Variants in TMEM117 observed in about 807,000 individuals in gnomAD.
TMEM117 encodes the protein transmembrane protein 117.
TMEM117 carries 27 observed loss-of-function variants against 52.4 expected under a neutral mutation model. The observed-to-expected ratio is 0.51, with a 90% CI of 0.38 to 0.71. The LOEUF is 0.71. Among genes scored for constraint, TMEM117 ranks in the 30% least tolerant of loss-of-function variants. The probability of loss-of-function intolerance (pLI) is 0.00; values close to 1 mark genes in which losing one functional copy is unlikely to be tolerated. For missense variants in TMEM117, 556 were observed against 630.5 expected (o/e 0.88, Z 1.26); for synonymous variants, 215 against 206.3 (o/e 1.04, Z -0.36).
intron 3 of TMEM117, among the ~76,000 whole-genome samples, chr12:44,138,989 C>G (rs1182528629): frequency 1.3e-5 from 2 of 152,066 alleles, no homozygotes; most frequent in African/African-American, 4.8e-5. Flanking sequence ...CTTAAGAATC[C>G]TTAGAGCTTT....
chr12:43,895,764 CATGCTA>C (rs924871539), intron 2 of TMEM117, among the ~76,000 whole-genome samples: 4 of 152,186 alleles, frequency 2.6e-5, no homozygotes, highest in Non-Finnish European at 5.9e-5. Flanking sequence ...GCTAAAGGTC[CATGCTA>C]ATGCTAATGC....
intron 4 of TMEM117, among the ~76,000 whole-genome samples, chr12:44,151,505 C>T (rs1229591447): frequency 1.4e-5 from 2 of 141,346 alleles, no homozygotes; most frequent in Non-Finnish European, 3.1e-5. Flanking sequence ...GCTATCCCTC[C>T]GCCCTCCCCC....
intron 2 of TMEM117, among the ~76,000 whole-genome samples, chr12:43,936,436 T>G (rs111277045): frequency 6.6e-6 from 1 of 152,242 alleles, no homozygotes; most frequent in African/African-American, 2.4e-5. Context: ...TATCTAAGAC[T>G]ATAGTGGGCA....
At chr12:43,865,028 G>A (rs1943563349) in intron 2 of TMEM117, among the ~76,000 whole-genome samples, 2 of 152,028 alleles carry the variant, frequency 1.3e-5, no homozygotes, top group African/African-American at 4.8e-5. Flanking sequence ...TCACTCCTGA[G>A]GCAGCGAGAC....
intron 3 of TMEM117, among the ~76,000 whole-genome samples, chr12:43,984,361 C>T (rs1291617842): frequency 1.7e-5 from 2 of 118,488 alleles, no homozygotes; most frequent in Non-Finnish European, 3.5e-5. Context: ...GAGTGAGACT[C>T]CGTAACAACA....
chr12:44,193,000 G>A (rs192639836), intron 4 of TMEM117, among the ~76,000 whole-genome samples: 45 of 152,266 alleles, frequency 3.0e-4, no homozygotes, highest in African/African-American at 1.0e-3. Context: ...GTTGGGAGGG[G>A]AGACACTTCT....
intron 3 of TMEM117, among the ~76,000 whole-genome samples, chr12:44,018,519 A>G (rs1946406353): frequency 1.3e-5 from 2 of 152,206 alleles, no homozygotes; most frequent in South Asian, 4.1e-4. Flanking sequence ...TTTAATAAAA[A>G]TGGTACATTT....
At chr12:44,028,671 G>A (rs1291353179) in intron 3 of TMEM117, among the ~76,000 whole-genome samples, 6 of 152,160 alleles carry the variant, frequency 3.9e-5, no homozygotes, top group East Asian at 3.9e-4. Context: ...TGAATGATCC[G>A]CACCTTGATT....
chr12:43,805,680 C>G, the TMEM117 span: 1 of 770,858 alleles, frequency 1.3e-6, no homozygotes, highest in Non-Finnish European at 1.9e-6. Flanking sequence ...CGAGATTTCT[C>G]AGAACATAAC....
intron 3 of TMEM117, among the ~76,000 whole-genome samples, chr12:44,019,041 G>T (rs116738735): frequency 0.011 from 1,725 of 152,270 alleles, 33 homozygotes; most frequent in African/African-American, 0.04. Flanking sequence ...ACCCTAAGTG[G>T]ACTTCACCTA....
chr12:44,175,635 A>G (rs1294923021), intron 4 of TMEM117, among the ~76,000 whole-genome samples: 1 of 152,198 alleles, frequency 6.6e-6, no homozygotes, highest in Non-Finnish European at 1.5e-5. Context: ...AGGTGACATG[A>G]TGGCCAAGGT....
chr12:44,034,724 C>G (rs888671251), intron 3 of TMEM117, among the ~76,000 whole-genome samples: 1 of 152,104 alleles, frequency 6.6e-6, no homozygotes, highest in Admixed American at 6.5e-5. Context: ...GAAGGTAATG[C>G]TATTATGAAG....
chr12:44,163,440 A>G (rs1948924261), intron 4 of TMEM117, among the ~76,000 whole-genome samples: 1 of 152,222 alleles, frequency 6.6e-6, no homozygotes, highest in Non-Finnish European at 1.5e-5. Context: ...CTAAGTCTGC[A>G]TTTCTGAAAT....
intron 2 of TMEM117, among the ~76,000 whole-genome samples, chr12:43,908,726 A>G (rs183722366): frequency 4.7e-4 from 71 of 152,298 alleles, no homozygotes; most frequent in African/African-American, 1.5e-3. Context: ...GCTTTAAGCC[A>G]AAAAAGATCA....
the TMEM117 span, among the ~76,000 whole-genome samples, chr12:43,829,666 G>T: frequency 6.6e-6 from 1 of 152,260 alleles, no homozygotes; most frequent in East Asian, 1.9e-4. Flanking sequence ...CTCCCCAAAG[G>T]CAAATTTGCC....
At position 44,341,705 on chromosome 12, in the gene TMEM117, A is replaced by G. The variant is rs1046628701; in HGVS notation, c.769-34890A>G. Among the ~76,000 whole-genome samples, 6 of 152,252 alleles carry G rather than the reference A, an allele frequency of 3.9e-5. No individual in the cohort carries two copies. The South Asian group carries it at 6.2e-4, about 16-fold the overall frequency. On this transcript the variant is annotated intron_variant, in intron 6 of 7. Coordinates refer to ENST00000266534, the MANE Select transcript of TMEM117 (RefSeq NM_032256.3). The stretch of plus-strand genomic sequence containing the variant: ...ATGGCATGGGAGAATTTGCAGTCAC[A>G]TCCGATGACAAAGGATCCAAGCATT...
At chr12:43,953,808 A>G (rs1945262575) in intron 3 of TMEM117, among the ~76,000 whole-genome samples, 1 of 152,254 alleles carries the variant, frequency 6.6e-6, no homozygotes, top group African/African-American at 2.4e-5. Context: ...TGGACCTGAT[A>G]GATATCTACA....
chr12:43,824,469 C>G, the TMEM117 span, among the ~76,000 whole-genome samples: 9 of 152,198 alleles, frequency 5.9e-5, no homozygotes, highest in African/African-American at 1.9e-4. Context: ...ACTTTGGCAA[C>G]TATGGCTCCA....
At position 43,981,093 on chromosome 12, in the gene TMEM117, C is replaced by T. The variant is rs78182658; in HGVS notation, c.410+36751C>T. On this transcript the variant is annotated intron_variant, in intron 3 of 7. Coordinates refer to ENST00000266534, the MANE Select transcript of TMEM117 (RefSeq NM_032256.3). The stretch of plus-strand genomic sequence containing the variant: ...TTCCCCAAAGCTTTGCAAAGCTTCC[C>T]GGCCTTCCAAGAAAGTTAGTGTCTT... Among the ~76,000 whole-genome samples the T allele has an allele frequency of 2.8e-3, 426 of 152,214 alleles. 3 individuals carry two copies. The highest frequency in any genetic ancestry group is 9.2e-3 in the African/African-American group (381 of 41,528).
Sources: allele counts gnomAD v4.1 joint callset (sites outside exome capture counted in the v4.1 genomes callset), GRCh38; gene constraint gnomAD v4.1.1; transcripts MANE v1.5; gene names NCBI Gene and HGNC (gene_info 2026-07-23, HGNC 2026-07-21).